Variants in RGPD4 observed in about 807,000 individuals in gnomAD.
The protein encoded by RGPD4 is ranBP2-like and GRIP domain-containing protein 4.
In RGPD4, 84 loss-of-function variants were observed where a neutral mutation model predicts 141.1. The ratio of observed to expected loss-of-function variants is 0.60; its 90% CI spans 0.50 to 0.71. The LOEUF (loss-of-function observed/expected upper bound fraction) is 0.71, where lower values mean the gene tolerates loss of function less well. Among genes scored for constraint, RGPD4 ranks in the 30% least tolerant of loss-of-function variants. RGPD4 has a pLI of 0.00. For synonymous variants in RGPD4, 298 were observed against 566.8 expected, an observed-to-expected ratio of 0.53 and a Z score of 6.74; for missense variants, 918 against 1,622.4, an observed-to-expected ratio of 0.57 and a Z score of 7.46.
At position 107,827,038 on chromosome 2, in the gene RGPD4, G is replaced by C. The variant is rs2104379389; in HGVS notation, c.25G>C (p.Glu9Gln). Reference protein sequence around the residue: MSCSKAYGERYVASVQGSA... With the variant: MSCSKAYGQRYVASVQGSA... Reference sequence around the variant, plus strand: ...GATGAGTTGCAGCAAGGCCTACGGGGAGCGGTACGTCGCCTCCGTGCAGGG... The same window carrying C: ...GATGAGTTGCAGCAAGGCCTACGGGCAGCGGTACGTCGCCTCCGTGCAGGG... The change falls in exon 1 of 23, where the codon GAG becomes CAG. Residue 9 changes from glutamate (E) to glutamine (Q), a missense_variant. Physicochemically the swap from Glu to Gln is conservative, Grantham distance 29. Coordinates refer to ENST00000408999, the MANE Select transcript of RGPD4 (RefSeq NM_182588.3). The C allele has an allele frequency of 1.3e-6, 2 of 1,599,858 alleles. No homozygotes were observed. The highest frequency in any genetic ancestry group is 1.7e-6 in the Non-Finnish European group (2 of 1,174,688).
Position 107,876,380 on chromosome 2 carries a change from C to T in RGPD4, c.4924+3452C>T, listed in dbSNP as rs571081825. Among the ~76,000 whole-genome samples, 65 of 150,954 alleles carry T rather than the reference C, an allele frequency of 4.3e-4. 2 individuals carry two copies. Among genetic ancestry groups the T allele is most frequent in the African/African-American group, 1.2e-3 (50 of 40,548 alleles). On this transcript the variant is annotated intron_variant, in intron 20 of 22. Coordinates refer to ENST00000408999, the MANE Select transcript of RGPD4 (RefSeq NM_182588.3). ...CTGGGATTACAGGCATGAGCCACTGCGCCTGGCTGACACATGTCCTAATTC... is the reference window on the plus strand; with the variant it reads ...CTGGGATTACAGGCATGAGCCACTGTGCCTGGCTGACACATGTCCTAATTC...
At position 107,838,873 on chromosome 2, in the gene RGPD4, G is replaced by T. The variant is rs201257819; in HGVS notation, c.314G>T (p.Cys105Phe). The T allele has an allele frequency of 6.4e-3, 9,086 of 1,409,610 alleles. 45 individuals are homozygous for T. The highest frequency in any genetic ancestry group is 0.011 in the Middle Eastern group (39 of 3,492). 87.3% of individuals were successfully genotyped at this position (1,409,610 alleles called of 1,614,324 possible). ...DLVLKIAELL[C>F]KNDVTDGRAK... is the part of the protein sequence containing the mutation. ...GTGTTGAAGATTGCAGAATTGCTTT[G>T]TAAAAATGATGTTACTGATGGAAGA... The change falls in exon 4 of 23, where the codon TGT (cysteine) becomes TTT (phenylalanine). Residue 105 changes from cysteine (C) to phenylalanine (F), a missense_variant. By Grantham distance (205) the Cys-to-Phe change is radical. Transcript: ENST00000408999.
chr2:107,851,302 A>T (rs1218380016), intron 7 of RGPD4, among the ~76,000 whole-genome samples: 5 of 77,634 alleles, frequency 6.4e-5, no homozygotes, highest in Non-Finnish European at 1.1e-4. Context: ...TGTAAAGACA[A>T]GGTCTTGCTA....
chr2:107,846,127 T>C lies in RGPD4; in HGVS notation c.783-2214T>C, dbSNP rs78766875. On this transcript the variant is annotated intron_variant, in intron 6 of 22. Coordinates refer to ENST00000408999, the MANE Select transcript of RGPD4 (RefSeq NM_182588.3). Reference sequence around the variant, plus strand: ...ATTTTTAGTAGAGATGGGGTTTCACTGTGTTAGCCAGGATGGTCTTGATAT... The same window carrying C: ...ATTTTTAGTAGAGATGGGGTTTCACCGTGTTAGCCAGGATGGTCTTGATAT... Among the ~76,000 whole-genome samples, 304 of 138,580 alleles carry C rather than the reference T, an allele frequency of 2.2e-3. No homozygotes were observed. In the Middle Eastern group the frequency reaches 0.029, roughly 13 times the overall value. The allele number at this position is 138,580 out of a possible 152,430, so 90.9% of individuals were successfully genotyped here.
chr2:107,877,376 G>GA (rs1181755034), intron 20 of RGPD4, among the ~76,000 whole-genome samples: 7 of 151,346 alleles, frequency 4.6e-5, no homozygotes, highest in Admixed American at 3.9e-4. Context: ...CCCTGTCTCA[G>GA]AAAAAATAAC....
intron 8 of RGPD4, 79 bp downstream of exon 8, chr2:107,854,722 A>T: frequency 6.3e-7 from 1 of 1,577,956 alleles, no homozygotes; most frequent in Non-Finnish European, 8.6e-7. Context: ...TAAAATCTCC[A>T]TCTGTCCAGG....
chr2:107,829,947 A>G (rs1681417545), intron 1 of RGPD4, among the ~76,000 whole-genome samples: 1 of 151,754 alleles, frequency 6.6e-6, no homozygotes, highest in Non-Finnish European at 1.5e-5. Context: ...CCCAGTGGGG[A>G]CTGACGCAGC....
intron 6 of RGPD4, among the ~76,000 whole-genome samples, chr2:107,847,058 T>C (rs1391065786): frequency 6.6e-6 from 1 of 150,446 alleles, no homozygotes; most frequent in Non-Finnish European, 1.5e-5. Flanking sequence ...CAGCTAACAA[T>C]GGTGAAACCT....
At chr2:107,844,830 G>GTTTTTTTTTTTTTTT (rs1222283120) in intron 6 of RGPD4, among the ~76,000 whole-genome samples, 3 of 26,174 alleles carry the variant, frequency 1.1e-4, no homozygotes, top group East Asian at 7.2e-4. Context: ...TTTCTTTTTT[G>GTTTTTTTTTTTTTTT]TTTTTTTTTT....
At chr2:107,887,100 G>A (rs542775695) in intron 22 of RGPD4, among the ~76,000 whole-genome samples, 14 of 148,844 alleles carry the variant, frequency 9.4e-5, no homozygotes, top group East Asian at 2.0e-4. Context: ...AAATATGCCA[G>A]TTCTGGTGGC....
At position 107,872,235 on chromosome 2, in the gene RGPD4, A is replaced by G. The variant is rs755592203; in HGVS notation, c.4231A>G (p.Ile1411Val). 1.2e-6 allele frequency: 2 copies of G among 1,611,468 alleles called. No homozygotes were observed. Among genetic ancestry groups the G allele is most frequent in the Non-Finnish European group, 1.7e-6 (2 of 1,179,876 alleles). ...QVLKLCANHT[I>V]TPDMSLQNMK... Reference sequence around the variant, plus strand: ...ATTAAAACTTTGTGCCAATCACACAATAACTCCAGACATGAGTTTGCAAAA... The same window carrying G: ...ATTAAAACTTTGTGCCAATCACACAGTAACTCCAGACATGAGTTTGCAAAA... The change falls in exon 20 of 23, where the codon ATA (isoleucine) becomes GTA (valine). Residue 1411 changes from isoleucine to valine, a missense_variant. Ile to Val is a conservative substitution (Grantham distance 29). Transcript: ENST00000408999.
chr2:107,874,523 T>C (rs1683033849), intron 20 of RGPD4, among the ~76,000 whole-genome samples: 1 of 143,062 alleles, frequency 7.0e-6, no homozygotes, highest in African/African-American at 2.7e-5. Context: ...AGTATACCAG[T>C]TTTATTACCA....
rs3113783 is a variant in RGPD4, at chr2:107,831,862, G to T, written c.73-4740G>T. On this transcript the variant is annotated intron_variant, in intron 1 of 22. Coordinates refer to ENST00000408999, the MANE Select transcript of RGPD4 (RefSeq NM_182588.3). ...CCGGGATTACAGGCGTGAGCCACCG[G>T]GCCGGGCCCCATTTTAGACATTCTG... 1.7e-4 allele frequency among the ~76,000 whole-genome samples: 20 copies of T among 119,078 alleles called. 1 individual carries two copies. The highest frequency in any genetic ancestry group is 6.3e-4 in the South Asian group (2 of 3,192). The allele number at this position is 119,078 out of a possible 152,430, so 78.1% of individuals were successfully genotyped here. A position where few individuals can be genotyped will look rare whatever the true frequency, so the allele number is the denominator to read the frequency against.
At chr2:107,890,457 G>A (rs568262566) in intron 22 of RGPD4, among the ~76,000 whole-genome samples, 2 of 138,962 alleles carry the variant, frequency 1.4e-5, no homozygotes, top group South Asian at 2.5e-4. Flanking sequence ...GCTGAGGTGG[G>A]AGAATCACTT....
chr2:107,880,178 C>T, intron 21 of RGPD4, 71 bp downstream of exon 21: 1 of 1,603,802 alleles, frequency 6.2e-7, no homozygotes, highest in Non-Finnish European at 8.5e-7. Flanking sequence ...ACACATGTAC[C>T]CAAGTTTAAA....
In RGPD4 at chr2:107,871,038, G is replaced by A. The variant is rs1312420300; in HGVS notation, c.3034G>A (p.Ala1012Thr). Residue 1012 changes from alanine to threonine, a missense_variant, in exon 20 of 23, where the codon GCC (alanine) becomes ACC (threonine). By Grantham distance (58) the Ala-to-Thr change is moderately conservative. Coordinates refer to ENST00000408999, the MANE Select transcript of RGPD4 (RefSeq NM_182588.3). ...KLFSSQCGKM[A>T]NKANTSGDFE... is the part of the protein sequence containing the mutation. ...ATTCTCATCACAATGCGGTAAAATG[G>A]CCAATAAAGCAAACACTTCCGGTGA... 5 of 1,610,990 alleles carry A rather than the reference G, an allele frequency of 3.1e-6. No homozygotes were observed. The African/African-American group carries it at 4.0e-5, about 13-fold the overall frequency.
chr2:107,858,403 C>CTTTTCTTTTT (rs1682406459), intron 9 of RGPD4, among the ~76,000 whole-genome samples: 1 of 102,228 alleles, frequency 9.8e-6, no homozygotes, highest in African/African-American at 6.6e-5. Flanking sequence ...ATAACCTTTT[C>CTTTTCTTTTT]TTTTCTTTTC....
At chr2:107,885,750 C>T (rs1195676051) in intron 22 of RGPD4, among the ~76,000 whole-genome samples, 1 of 152,026 alleles carries the variant, frequency 6.6e-6, no homozygotes, top group African/African-American at 2.4e-5. Context: ...CTTACATTCT[C>T]TCTTTAAGAG....
rs1415081205 is a variant in RGPD4 at position 107,872,753 on chromosome 2, T to C, written c.4749T>C (p.Ser1583=). ...ATGCATCTTTGAAAAGTAACAACAGTGAAACTAGTTCAGTAGCCCAGAGTG... is the reference window on the plus strand; with the variant it reads ...ATGCATCTTTGAAAAGTAACAACAGCGAAACTAGTTCAGTAGCCCAGAGTG... ...SFNASLKSNN[S]ETSSVAQSGS... The change falls in exon 20 of 23, where the codon AGT becomes AGC. Residue 1583 remains serine (S), a synonymous_variant. Transcript: ENST00000408999. 2 of 1,611,474 alleles carry C rather than the reference T, an allele frequency of 1.2e-6. No individual in the cohort carries two copies. Among genetic ancestry groups the C allele is most frequent in the East Asian group, 2.2e-5 (1 of 44,890 alleles).
Sources: allele counts gnomAD v4.1 joint callset (sites outside exome capture counted in the v4.1 genomes callset), GRCh38; gene constraint gnomAD v4.1.1; transcripts MANE v1.5; gene names NCBI Gene and HGNC (gene_info 2026-07-23, HGNC 2026-07-21).